Variants in TLE2 observed in about 807,000 individuals in gnomAD.
The protein encoded by TLE2 is TLE family member 2, transcriptional corepressor.
Under a neutral mutation model 97.2 loss-of-function variants are expected in TLE2, and 74 were observed. The ratio of observed to expected loss-of-function variants is 0.76; its 90% CI spans 0.63 to 0.92. The LOEUF (loss-of-function observed/expected upper bound fraction) is 0.92, where lower values mean the gene tolerates loss of function less well. TLE2 is among the 40% of genes least tolerant of loss of function. The probability of loss-of-function intolerance (pLI) is 0.00; values close to 1 mark genes in which losing one functional copy is unlikely to be tolerated. For synonymous variants in TLE2, 499 were observed against 432.1 expected, an observed-to-expected ratio of 1.15 and a Z score of -1.92; for missense variants, 1,038 against 1,008.7, an observed-to-expected ratio of 1.03 and a Z score of -0.39.
At chr19:3,044,513 G>A (rs778847487) in intron 1 of TLE2, among the ~76,000 whole-genome samples, 8 of 152,290 alleles carry the variant, frequency 5.3e-5, no homozygotes, top group African/African-American at 1.2e-4. Flanking sequence ...TCCACCTCCC[G>A]GGTTCAAGTG....
At position 3,002,416 on chromosome 19, in the gene TLE2, G is replaced by C; in HGVS notation, c.1984C>G (p.Pro662Ala). Residue 662 changes from proline (P) to alanine (A), a missense_variant, in exon 18 of 20, where the codon CCG becomes GCG. Transcript: ENST00000262953. ...SNVEILHVRK[P>A]EKYQLHLHES... ...TGGAGGTGCAGCTGGTATTTCTCCGGCTTGCGGACGTGCAGGATCTCCACG... is the reference window on the plus strand; with the variant it reads ...TGGAGGTGCAGCTGGTATTTCTCCGCCTTGCGGACGTGCAGGATCTCCACG... 6.2e-7 allele frequency: 1 copy of C among 1,613,570 alleles called. No homozygotes were observed. Among genetic ancestry groups the C allele is most frequent in the Non-Finnish European group, 8.5e-7 (1 of 1,179,796 alleles).
At chr19:2,998,757 A>G (rs1164942026) in intron 19 of TLE2, among the ~76,000 whole-genome samples, 1 of 152,134 alleles carries the variant, frequency 6.6e-6, no homozygotes, top group African/African-American at 2.4e-5. Context: ...GCTAAGTCCA[A>G]TGGGCAGAAC....
rs762630843 is a variant in TLE2 at position 3,013,746 on chromosome 19, G to A, written c.796C>T (p.Arg266Trp). 1.3e-5 allele frequency: 21 copies of A among 1,562,066 alleles called. No individual in the cohort carries two copies. Among genetic ancestry groups the A allele is most frequent in the Admixed American group, 1.9e-5 (1 of 53,010 alleles). ...GAGGCTGGACTGTCCACCAGGTCCCGACGGGCAGGAATGCAGATGGGTACC... is the reference window on the plus strand; with the variant it reads ...GAGGCTGGACTGTCCACCAGGTCCCAACGGGCAGGAATGCAGATGGGTACC... ...GKVPICIPAR[R>W]DLVDSPASLA... Residue 266 changes from arginine to tryptophan, a missense_variant, in exon 11 of 20, where the codon CGG becomes TGG. Coordinates refer to ENST00000262953, the MANE Select transcript of TLE2 (RefSeq NM_003260.5).
upstream of TLE2, chr19:3,045,808 CA>C: frequency 4.9e-6 from 2 of 406,538 alleles, no homozygotes; most frequent in South Asian, 1.7e-5. Flanking sequence ...GCCTGGGCAA[CA>C]AGAGTGAAAC....
In TLE2 at chr19:3,019,714, C is replaced by G. The variant is rs2089798205; in HGVS notation, c.354G>C (p.Leu118=). 2 of 1,611,574 alleles carry G rather than the reference C, an allele frequency of 1.2e-6. No homozygotes were observed. The highest frequency in any genetic ancestry group is 1.7e-6 in the Non-Finnish European group (2 of 1,179,032). The change falls in exon 6 of 20, where the codon CTG becomes CTC. Residue 118 remains leucine, a synonymous_variant. Transcript: ENST00000262953. The surrounding 1 kb of genome is among the most constrained non-coding windows in gnomAD (Gnocchi z 5.1). The part of the protein sequence containing the change: ...ERAKQVTVGE[L]NSLIGQQLQP... ...AGAGACTCACCCCGATGAGGCTGTT[C>G]AGCTCCCCCACGGTGACCTGCTTGG...
chr19:3,036,410 T>C (rs2090063406), intron 1 of TLE2, among the ~76,000 whole-genome samples: 1 of 152,144 alleles, frequency 6.6e-6, no homozygotes, highest in African/African-American at 2.4e-5. Context: ...CGGCGCGGTA[T>C]AATTACAGCC....
intron 17 of TLE2, among the ~76,000 whole-genome samples, chr19:3,004,443 A>T (rs1471465585): frequency 2.0e-5 from 3 of 151,760 alleles, no homozygotes; most frequent in African/African-American, 7.3e-5. Flanking sequence ...TCCAAGACCA[A>T]CCTGGACAAC....
chr19:3,043,739 G>C (rs1390054648), intron 1 of TLE2, among the ~76,000 whole-genome samples: 1 of 151,864 alleles, frequency 6.6e-6, no homozygotes, highest in African/African-American at 2.4e-5. Flanking sequence ...GAACCCGGGA[G>C]GTGGAGCTTG....
At chr19:3,023,180 G>A (rs916402437) in intron 5 of TLE2, among the ~76,000 whole-genome samples, 3 of 151,672 alleles carry the variant, frequency 2.0e-5, no homozygotes, top group African/African-American at 7.3e-5. Context: ...TCAGCCTCCC[G>A]AGTAGCTGGG....
chr19:3,045,776 G>A (rs1182298354), exon 1 of TLE2: 3 of 443,008 alleles, frequency 6.8e-6, no homozygotes, highest in Non-Finnish European at 1.4e-5. Context: ...GCAGTGAGCC[G>A]TGATTGCACC....
chr19:3,015,587 C>G, intron 9 of TLE2, 66 bp downstream of exon 9: 1 of 1,334,602 alleles, frequency 7.5e-7, no homozygotes, highest in East Asian at 2.5e-5. Context: ...CTCTGGAAGG[C>G]TCTGAGGGGC....
At chr19:3,028,470 T>G in intron 2 of TLE2, 88 bp from the exon 3 acceptor site, 2 of 1,347,398 alleles carry the variant, frequency 1.5e-6, no homozygotes, top group African/African-American at 2.9e-5. Context: ...CCCTCCCGAC[T>G]TCCTTACAGA....
chr19:3,031,522 G>T (rs1463477768), upstream of TLE2, among the ~76,000 whole-genome samples: 1 of 151,978 alleles, frequency 6.6e-6, no homozygotes, highest in African/African-American at 2.4e-5. Context: ...TAGAGACAAG[G>T]TCTCACTGTG....
intron 4 of TLE2, among the ~76,000 whole-genome samples, chr19:3,026,350 A>C (rs1250820254): frequency 6.6e-6 from 1 of 150,860 alleles, no homozygotes; most frequent in Non-Finnish European, 1.5e-5. Context: ...CGGGAGGCTG[A>C]GGCAGGAGAG....
intron 1 of TLE2, among the ~76,000 whole-genome samples, chr19:3,041,174 G>A (rs1338179189): frequency 4.0e-5 from 6 of 150,110 alleles, no homozygotes; most frequent in Non-Finnish European, 7.4e-5. Context: ...TTACAGGTGC[G>A]TGCCACCACG....
At chr19:3,012,887 T>TGGGACGACTGTGGGGTCAGGG (rs2089626561) in intron 11 of TLE2, among the ~76,000 whole-genome samples, 1 of 151,572 alleles carries the variant, frequency 6.6e-6, no homozygotes, top group Non-Finnish European at 1.5e-5. Context: ...AGAGAGTGGA[T>TGGGACGACTGTGGGGTCAGGG]GGGACGACTG....
intron 17 of TLE2, among the ~76,000 whole-genome samples, chr19:3,004,679 G>A (rs1202727281): frequency 6.6e-6 from 1 of 151,486 alleles, no homozygotes; most frequent in Non-Finnish European, 1.5e-5. Flanking sequence ...GTTTCAAGGA[G>A]GAGGGGCAAA....
chr19:3,028,359 A>G lies in TLE2; in HGVS notation c.146T>C (p.Leu49Pro), dbSNP rs780724845. Residue 49 changes from leucine to proline, a missense_variant, in exon 3 of 20, where the codon CTG (leucine) becomes CCG (proline). Leu to Pro is a moderately conservative substitution (Grantham distance 98). Transcript: ENST00000262953. The stretch of plus-strand genomic sequence containing the variant: ...CTGCATTTCCGTCTTCTCGCTGGCC[A>G]GCTTCTCACATTCTAGCTTGAGGCT... ...YHSLKLECEK[L>P]ASEKTEMQRH... is the part of the protein sequence containing the mutation. 1 of 1,609,100 alleles carries G rather than the reference A, an allele frequency of 6.2e-7. No individual in the cohort carries two copies. The highest frequency in any genetic ancestry group is 8.5e-7 in the Non-Finnish European group (1 of 1,177,606).
At chr19:3,043,826 AC>A in intron 1 of TLE2, among the ~76,000 whole-genome samples, 1 of 150,690 alleles carries the variant, frequency 6.6e-6, no homozygotes, top group East Asian at 2.0e-4. Flanking sequence ...ACAAAACAAA[AC>A]AAAAAAATTA....
Sources: allele counts gnomAD v4.1 joint callset (sites outside exome capture counted in the v4.1 genomes callset), GRCh38; gene constraint gnomAD v4.1.1; non-coding constraint Gnocchi (gnomAD v3.1); transcripts MANE v1.5; gene names NCBI Gene and HGNC (gene_info 2026-07-23, HGNC 2026-07-21).